Variants in UNC13A observed in about 807,000 individuals in gnomAD.
The protein encoded by UNC13A is protein unc-13 homolog A.
Under a neutral mutation model 219.7 loss-of-function variants are expected in UNC13A, and 61 were observed. That is an observed-to-expected ratio of 0.28 (90% CI 0.23 to 0.34). The LOEUF (loss-of-function observed/expected upper bound fraction) is 0.34. Ranked by LOEUF, UNC13A falls within the 10% of genes least tolerant of loss-of-function variation. The probability of loss-of-function intolerance (pLI) is 1.00; values close to 1 mark genes in which losing one functional copy is unlikely to be tolerated. For missense variants in UNC13A, 1,476 were observed against 2,270.3 expected (o/e 0.65, Z 7.11); for synonymous variants, 920 against 884.6 (o/e 1.04, Z -0.71).
Position 17,627,826 on chromosome 19 carries a change from C to A in UNC13A, c.3831+37G>T. On this transcript the variant is annotated intron_variant, in intron 32 of 43. Coordinates refer to ENST00000519716, the MANE Select transcript of UNC13A (RefSeq NM_001080421.3). The surrounding 1 kb of genome is among the most constrained non-coding windows in gnomAD (Gnocchi z 4.7). Reference sequence around the variant, plus strand: ...GCAGGGACACAGTGGTGGGGGTGCCCCATCCCTTCTCCAGCCCTGCCTCGG... The same window carrying A: ...GCAGGGACACAGTGGTGGGGGTGCCACATCCCTTCTCCAGCCCTGCCTCGG... 6.4e-7 allele frequency: 1 copy of A among 1,566,818 alleles called. No homozygotes were observed. Among genetic ancestry groups the A allele is most frequent in the East Asian group, 2.3e-5 (1 of 42,726 alleles).
chr19:17,629,182 C>T (rs2076815599), intron 31 of UNC13A, 58 bp downstream of exon 31: 22 of 1,469,958 alleles, frequency 1.5e-5, no homozygotes, highest in Non-Finnish European at 2.0e-5. Context: ...AGAAGGGAGT[C>T]CTGGGGATGC....
chr19:17,678,719 C>G (rs972782062), intron 1 of UNC13A, among the ~76,000 whole-genome samples: 1 of 151,970 alleles, frequency 6.6e-6, no homozygotes, highest in Admixed American at 6.6e-5. Context: ...TTGGGCCTGG[C>G]TCCTGGAGGA....
rs575108580 is a variant in UNC13A at position 17,644,354 on chromosome 19, A to T, written c.2356+1320T>A. ...CAGGCACGCATCACCACACCCAGCT[A>T]TTTTTTTTTTTTTAATGGAGACAAA... On this transcript the variant is annotated intron_variant, in intron 19 of 43. Transcript: ENST00000519716. Among the ~76,000 whole-genome samples the T allele has an allele frequency of 3.5e-5, 5 of 141,186 alleles. No individual in the cohort carries two copies. In the East Asian group the frequency reaches 6.2e-4, roughly 18 times the overall value. The allele number at this position is 141,186 out of a possible 152,430, so 92.6% of individuals were successfully genotyped here. A position where few individuals can be genotyped will look rare whatever the true frequency, so the allele number is the denominator to read the frequency against.
intron 12 of UNC13A, among the ~76,000 whole-genome samples, chr19:17,651,830 C>T (rs1266111708): frequency 1.3e-5 from 2 of 152,112 alleles, no homozygotes; most frequent in Non-Finnish European, 1.5e-5. Context: ...TTGCCAAGGA[C>T]GTACAAGGAA....
At chr19:17,650,470 G>A (rs771424549) in intron 12 of UNC13A, among the ~76,000 whole-genome samples, 12 of 151,988 alleles carry the variant, frequency 7.9e-5, no homozygotes, top group Non-Finnish European at 1.6e-4. Flanking sequence ...TCGAGATCAC[G>A]CCACTGCAAT....
intron 36 of UNC13A, chr19:17,622,307 T>C (rs2076737531): frequency 6.2e-6 from 1 of 162,452 alleles, no homozygotes; most frequent in South Asian, 1.7e-4. Context: ...AACAAGTGAC[T>C]CCTCTCTGAG....
At position 17,621,880 on chromosome 19, in the gene UNC13A, T is replaced by C; in HGVS notation, c.4204-10A>G. ...TTCTCAAGAGGTTCCCCTGCAGAGATAATGTCACAGGGTGATCAACCTGGC... is the reference window on the plus strand; with the variant it reads ...TTCTCAAGAGGTTCCCCTGCAGAGACAATGTCACAGGGTGATCAACCTGGC... On this transcript the variant is annotated splice_polypyrimidine_tract_variant and intron_variant, in intron 36 of 43. Coordinates refer to ENST00000519716, the MANE Select transcript of UNC13A (RefSeq NM_001080421.3). The C allele has an allele frequency of 6.2e-7, 1 of 1,613,950 alleles. No individual in the cohort carries two copies. Among genetic ancestry groups the C allele is most frequent in the Non-Finnish European group, 8.5e-7 (1 of 1,179,878 alleles).
chr19:17,610,186 C>G, intron 42 of UNC13A, 87 bp from the exon 43 acceptor site: 1 of 1,574,226 alleles, frequency 6.4e-7, no homozygotes, highest in African/African-American at 1.3e-5. Context: ...CTGCCCAAGG[C>G]TGGGCGCAGT....
At position 17,640,561 on chromosome 19, in the gene UNC13A, C is replaced by A. The variant is rs1309839123; in HGVS notation, c.2737G>T (p.Ala913Ser). Reference sequence around the variant, plus strand: ...TCGGAGGCAGACACGTTGGTGGAGGCGGTGGTGTGTGCGTAGTAGGCATTG... The same window carrying A: ...TCGGAGGCAGACACGTTGGTGGAGGAGGTGGTGTGTGCGTAGTAGGCATTG... ...NINAYYAHTTASTNVSASDRF... is the reference protein window; with the variant it reads ...NINAYYAHTTSSTNVSASDRF... The change falls in exon 22 of 44, where the codon GCC (alanine) becomes TCC (serine). Residue 913 changes from alanine to serine, a missense_variant. Ala to Ser is a moderately conservative substitution (Grantham distance 99). Coordinates refer to ENST00000519716, the MANE Select transcript of UNC13A (RefSeq NM_001080421.3). 6 of 1,558,258 alleles carry A rather than the reference C, an allele frequency of 3.9e-6. No individual in the cohort carries two copies. Among genetic ancestry groups the A allele is most frequent in the Non-Finnish European group, 5.2e-6 (6 of 1,151,768 alleles).
chr19:17,658,317 A>T (rs566457447), intron 8 of UNC13A, 48 bp from the exon 9 acceptor site: 19 of 1,545,296 alleles, frequency 1.2e-5, no homozygotes, highest in Non-Finnish European at 1.7e-5. Flanking sequence ...GAGAGAGTGC[A>T]CATGATGGGA....
At chr19:17,652,550 C>G in intron 12 of UNC13A, 81 bp downstream of exon 12, 1 of 1,586,810 alleles carries the variant, frequency 6.3e-7, no homozygotes, top group Non-Finnish European at 8.7e-7. Context: ...CTCCTCCTCT[C>G]TGGGCTGAGG....
At chr19:17,663,351 A>G (rs1161353784) in intron 8 of UNC13A, among the ~76,000 whole-genome samples, 181 bp downstream of exon 8, 1 of 145,576 alleles carries the variant, frequency 6.9e-6, no homozygotes, top group East Asian at 2.2e-4. Flanking sequence ...GCCTCCCAAG[A>G]CAGGCACTAA....
chr19:17,648,746 C>G, intron 15 of UNC13A, 96 bp from the exon 16 acceptor site: 1 of 1,525,050 alleles, frequency 6.6e-7, no homozygotes. Flanking sequence ...GGTAAAGTCC[C>G]AGGCCCTCCC....
At chr19:17,618,806 G>T in intron 39 of UNC13A, 100 bp downstream of exon 39, 2 of 1,152,142 alleles carry the variant, frequency 1.7e-6, no homozygotes, top group African/African-American at 1.5e-5. Flanking sequence ...TGTAATGCAT[G>T]TCATCATCCT....
chr19:17,606,385 G>C, intron 43 of UNC13A, 31 bp from the exon 44 acceptor site: 2 of 1,535,662 alleles, frequency 1.3e-6, no homozygotes, highest in Non-Finnish European at 1.7e-6. Context: ...CGTGAGACAG[G>C]CCACACCTAC....
rs73924310 is a variant in UNC13A at position 17,674,809 on chromosome 19, C to G, written c.53-53G>C. 4.1e-4 allele frequency: 609 copies of G among 1,477,096 alleles called. 4 individuals carry two copies. The African/African-American group carries it at 6.8e-3, about 17-fold the overall frequency. 91.5% of individuals were successfully genotyped at this position (1,477,096 alleles called of 1,614,324 possible). A position where few individuals can be genotyped will look rare whatever the true frequency, so the allele number is the denominator to read the frequency against. The stretch of plus-strand genomic sequence containing the variant: ...CTGGGGCTCAGGGACTCTCCAATGC[C>G]CCTTCCCAAGCTCTAGACCATCTGC... On this transcript the variant is annotated intron_variant, in intron 2 of 43. Coordinates refer to ENST00000519716, the MANE Select transcript of UNC13A (RefSeq NM_001080421.3). This position sits in a 1 kb window ranked among gnomAD's most constrained non-coding sequence, Gnocchi z 5.0.
At chr19:17,611,659 G>T in intron 42 of UNC13A, 104 bp downstream of exon 42, 2 of 1,054,338 alleles carry the variant, frequency 1.9e-6, no homozygotes, top group Non-Finnish European at 2.9e-6. Context: ...TCCGTTTCAT[G>T]GACCATTAAA....
Position 17,655,876 on chromosome 19 carries a change from C to T in UNC13A, c.1283+7G>A, listed in dbSNP as rs767187542. On this transcript the variant is annotated splice_region_variant and intron_variant, in intron 10 of 43. Coordinates refer to ENST00000519716, the MANE Select transcript of UNC13A (RefSeq NM_001080421.3). ...GCCCCTCTGGCCCCTTGGCCCCGTC[C>T]TGTTACCTCTCCTCGTCCTTGGGTG... 6.6e-7 allele frequency: 1 copy of T among 1,514,842 alleles called. No individual in the cohort carries two copies. The highest frequency in any genetic ancestry group is 1.4e-5 in the African/African-American group (1 of 71,832). The allele number at this position is 1,514,842 out of a possible 1,614,324, so 93.8% of individuals were successfully genotyped here.
intron 1 of UNC13A, among the ~76,000 whole-genome samples, chr19:17,678,524 G>A (rs1369951197): frequency 3.3e-5 from 5 of 152,056 alleles, no homozygotes; most frequent in Admixed American, 3.3e-4. Context: ...GTGACCCTGG[G>A]CAAGTGAACC....
Sources: gnomAD v4.1 joint callset for allele counts (sites outside exome capture counted in the v4.1 genomes callset) on GRCh38, gnomAD v4.1.1 for gene constraint, Gnocchi (gnomAD v3.1) non-coding constraint, MANE v1.5 for transcripts, NCBI Gene and HGNC (gene_info 2026-07-23, HGNC 2026-07-21) for gene names.